IGF2R: variants seen among roughly 807,000 people sequenced by gnomAD.
IGF2R encodes the protein cation-independent mannose-6-phosphate receptor.
In IGF2R, 91 loss-of-function variants were observed where a neutral mutation model predicts 270.6. The ratio of observed to expected loss-of-function variants is 0.34; its 90% CI spans 0.28 to 0.40. IGF2R has a LOEUF of 0.40. Ranked by LOEUF, IGF2R falls within the 10% of genes least tolerant of loss-of-function variation. The pLI is 1.00. For synonymous variants in IGF2R, 1,316 were observed against 1,258.9 expected (o/e 1.05, Z -0.96); for missense variants, 2,805 against 3,188.3 (o/e 0.88, Z 2.90).
At chr6:160,096,347 CT>C in intron 44 of IGF2R, 91 bp from the exon 45 acceptor site, 1 of 1,194,932 alleles carries the variant, frequency 8.4e-7, no homozygotes, top group South Asian at 1.5e-5. Flanking sequence ...GATTTTAAGT[CT>C]TTGCAAACTT....
At chr6:160,082,804 A>C (rs1350592060) in intron 39 of IGF2R, among the ~76,000 whole-genome samples, 1 of 152,242 alleles carries the variant, frequency 6.6e-6, no homozygotes, top group Admixed American at 6.5e-5. Flanking sequence ...GTGTGTTGCC[A>C]GATGGCGGAT....
At chr6:160,044,446 T>A in intron 12 of IGF2R, 68 bp from the exon 13 acceptor site, 1 of 1,210,520 alleles carries the variant, frequency 8.3e-7, no homozygotes, top group Non-Finnish European at 1.2e-6. Flanking sequence ...TTTTTTTAAG[T>A]CACTTCTTTG....
At chr6:160,036,326 C>G (rs2115237093) in intron 10 of IGF2R, among the ~76,000 whole-genome samples, 1 of 152,254 alleles carries the variant, frequency 6.6e-6, no homozygotes, top group South Asian at 2.1e-4. Context: ...GCCATGTCTG[C>G]ACCCTGAATC....
chr6:159,975,471 A>G (rs1297790506), intron 1 of IGF2R, among the ~76,000 whole-genome samples: 1 of 151,782 alleles, frequency 6.6e-6, no homozygotes, highest in African/African-American at 2.4e-5. Context: ...ATAGGGTGGG[A>G]CCCTCACTGG....
Position 160,043,271 on chromosome 6 carries a change from C to T in IGF2R, c.1604C>T (p.Ala535Val), listed in dbSNP as rs376518853. 59 of 1,613,956 alleles carry T rather than the reference C, an allele frequency of 3.7e-5. No individual in the cohort carries two copies. Among genetic ancestry groups the T allele is most frequent in the Middle Eastern group, 3.3e-4 (2 of 6,056 alleles). Residue 535 changes from alanine to valine, a missense_variant, in exon 12 of 48, where the codon GCG becomes GTG. Transcript: ENST00000356956. ...AAGGCACGAGGGTGTCCCGAGGACG[C>T]GGCAGTGTGTGCAGTGGGTGAGTTG... ...EGKARGCPEDAAVCAVDKNGS... is the reference protein window; with the variant it reads ...EGKARGCPEDVAVCAVDKNGS...
At chr6:160,025,261 T>C (rs1326839180) in intron 5 of IGF2R, among the ~76,000 whole-genome samples, 1 of 152,240 alleles carries the variant, frequency 6.6e-6, no homozygotes, top group Non-Finnish European at 1.5e-5. Flanking sequence ...AGCCTTTGAC[T>C]AGCCTTCAGC....
rs761005462 is a variant in IGF2R, at chr6:160,090,025, A to G, written c.6577A>G (p.Ile2193Val). Reference sequence around the variant, plus strand: ...AAACCCGGCGTGCTCTGGAGCCAACATATGCCAGGTGAAGCCCAACGATCA... The same window carrying G: ...AAACCCGGCGTGCTCTGGAGCCAACGTATGCCAGGTGAAGCCCAACGATCA... ...SRNPACSGAN[I>V]CQVKPNDQHF... The change falls in exon 44 of 48, where the codon ATA (isoleucine) becomes GTA (valine). Residue 2193 changes from isoleucine to valine, a missense_variant. Ile to Val is a conservative substitution (Grantham distance 29). This residue lies in a region of IGF2R where 1,851 missense variants were observed against 2,207.2 expected (regional missense o/e 0.84). Coordinates refer to ENST00000356956, the MANE Select transcript of IGF2R (RefSeq NM_000876.4). The G allele has an allele frequency of 2.5e-6, 4 of 1,604,836 alleles. No individual in the cohort carries two copies. Among genetic ancestry groups the G allele is most frequent in the Non-Finnish European group, 3.4e-6 (4 of 1,175,850 alleles).
intron 36 of IGF2R, among the ~76,000 whole-genome samples, chr6:160,076,433 C>G (rs1435418885): frequency 6.6e-6 from 1 of 152,116 alleles, no homozygotes; most frequent in African/African-American, 2.4e-5. Context: ...AAAGTGGCAC[C>G]TTTTACTTAT....
At position 160,075,856 on chromosome 6, in the gene IGF2R, C is replaced by G. The variant is rs772819799; in HGVS notation, c.5176C>G (p.Arg1726Gly). ...CTCGCTCTTTGTTTAGGATATCGGC[C>G]GGGTAGCAGGACCACCAATACTCAA... is the stretch of plus-strand genomic sequence containing the variant. ...PIDGPPIDIG[R>G]VAGPPILNPI... Residue 1726 changes from arginine to glycine, a missense_variant, in exon 36 of 48, where the codon CGG (arginine) becomes GGG (glycine). Transcript: ENST00000356956. 6.2e-7 allele frequency: 1 copy of G among 1,613,374 alleles called. No individual in the cohort carries two copies. The highest frequency in any genetic ancestry group is 8.5e-7 in the Non-Finnish European group (1 of 1,179,518).
rs757780709 is a variant in IGF2R at position 159,991,349 on chromosome 6, GGATT to G, written c.289+28_289+31del. 11 of 1,597,530 alleles carry G rather than the reference GGATT, an allele frequency of 6.9e-6. No individual in the cohort carries two copies. In the South Asian group the frequency reaches 1.1e-4, roughly 16 times the overall value. ...GTAAGTAGAACTACCTGAAATTACT[GGATT>G]GGCAATATGATTCCCCAATTTTGCA... On this transcript the variant is annotated intron_variant, in intron 2 of 47. Transcript: ENST00000356956.
rs138722146 is a variant in IGF2R, at chr6:160,010,745, C to A, written c.473C>A (p.Thr158Asn). Residue 158 changes from threonine (T) to asparagine (N), a missense_variant, in exon 4 of 48, where the codon ACT (threonine) becomes AAT (asparagine). By Grantham distance (65) the Thr-to-Asn change is moderately conservative. Coordinates refer to ENST00000356956, the MANE Select transcript of IGF2R (RefSeq NM_000876.4). ...ECVHYFEWRT[T>N]AACKKDIFKA... ...GTGCACTACTTTGAGTGGAGGACCA[C>A]TGCAGCCTGCAAGAAAGACATATTT... The A allele has an allele frequency of 1.2e-6, 2 of 1,612,270 alleles. No individual in the cohort carries two copies. The highest frequency in any genetic ancestry group is 1.7e-6 in the Non-Finnish European group (2 of 1,178,458).
intron 7 of IGF2R, among the ~76,000 whole-genome samples, chr6:160,031,137 G>A (rs937527841): frequency 6.6e-6 from 1 of 152,102 alleles, no homozygotes; most frequent in Non-Finnish European, 1.5e-5. Context: ...CCACCGCACC[G>A]GCCAGGTTTC....
intron 1 of IGF2R, among the ~76,000 whole-genome samples, chr6:159,975,501 A>G (rs1221594384): frequency 1.3e-5 from 2 of 151,916 alleles, no homozygotes; most frequent in East Asian, 3.9e-4. Flanking sequence ...TAAGACCCAC[A>G]GTCCAAAAGC....
chr6:160,081,203 AG>A (rs1279385901), intron 39 of IGF2R, among the ~76,000 whole-genome samples: 2 of 152,034 alleles, frequency 1.3e-5, no homozygotes, highest in Non-Finnish European at 2.9e-5. Flanking sequence ...TTTTCAACGT[AG>A]GTTCTTTTCT....
intron 2 of IGF2R, among the ~76,000 whole-genome samples, chr6:160,000,033 G>A (rs577473377): frequency 6.6e-6 from 1 of 152,172 alleles, no homozygotes; most frequent in Non-Finnish European, 1.5e-5. Flanking sequence ...ATTAGGATGA[G>A]AGCTTTTCTT....
intron 6 of IGF2R, among the ~76,000 whole-genome samples, chr6:160,028,207 C>T (rs1303174811): frequency 2.0e-5 from 3 of 152,198 alleles, no homozygotes; most frequent in Admixed American, 6.5e-5. Flanking sequence ...CTCCTTGGCT[C>T]GTTAGATGGC....
chr6:160,048,781 G>T (rs573451916), intron 18 of IGF2R, among the ~76,000 whole-genome samples: 1 of 152,224 alleles, frequency 6.6e-6, no homozygotes. Flanking sequence ...ATCACACAAA[G>T]GGCAGAGGAA....
intron 29 of IGF2R, among the ~76,000 whole-genome samples, chr6:160,067,018 G>A (rs1778599398): frequency 1.3e-5 from 2 of 152,308 alleles, no homozygotes; most frequent in Admixed American, 1.3e-4. Context: ...TGATCCTCTT[G>A]AGATATAAGT....
chr6:159,969,425 C>T, intron 1 of IGF2R, 30 bp downstream of exon 1: 5 of 1,201,108 alleles, frequency 4.2e-6, no homozygotes, highest in Non-Finnish European at 5.2e-6. Flanking sequence ...GCAGGCTCCG[C>T]TCGCGGTGCC....
Sources: gnomAD v4.1 joint callset for allele counts (sites outside exome capture counted in the v4.1 genomes callset) on GRCh38, gnomAD v4.1.1 for gene constraint, gnomAD v4.1.1 regional missense constraint, MANE v1.5 for transcripts, NCBI Gene and HGNC (gene_info 2026-07-23, HGNC 2026-07-21) for gene names.